THSD4: variants seen among roughly 807,000 people sequenced by gnomAD.
THSD4 encodes thrombospondin type 1 domain containing 4.
THSD4 carries 69 observed loss-of-function variants against 119.0 expected under a neutral mutation model. The ratio of observed to expected loss-of-function variants is 0.58; its 90% CI spans 0.48 to 0.71. The LOEUF (loss-of-function observed/expected upper bound fraction) is 0.71. THSD4 is among the 30% of genes least tolerant of loss of function. The probability of loss-of-function intolerance (pLI) is 0.00; values close to 1 mark genes in which losing one functional copy is unlikely to be tolerated. For missense variants in THSD4, 1,393 were observed against 1,391.1 expected, an observed-to-expected ratio of 1.00 and a Z score of -0.02; for synonymous variants, 524 against 540.4, an observed-to-expected ratio of 0.97 and a Z score of 0.42.
chr15:71,683,880 C>T (rs2051850877), intron 8 of THSD4, among the ~76,000 whole-genome samples: 1 of 152,124 alleles, frequency 6.6e-6, no homozygotes, highest in South Asian at 2.1e-4. Flanking sequence ...GAGGTTGAGG[C>T]ATGAGAATCA....
chr15:71,405,451 T>G (rs1156901136), intron 6 of THSD4, among the ~76,000 whole-genome samples: 1 of 152,226 alleles, frequency 6.6e-6, no homozygotes, highest in Non-Finnish European at 1.5e-5. Flanking sequence ...AAACAGTATT[T>G]TTTCCCTAAT....
At chr15:71,196,408 G>C (rs1173360006) in intron 3 of THSD4, among the ~76,000 whole-genome samples, 1 of 152,164 alleles carries the variant, frequency 6.6e-6, no homozygotes, top group Non-Finnish European at 1.5e-5. Context: ...ACTAAGAACT[G>C]TACGATCCAA....
At chr15:71,370,008 G>C (rs958721523) in intron 6 of THSD4, among the ~76,000 whole-genome samples, 1 of 152,100 alleles carries the variant, frequency 6.6e-6, no homozygotes, top group African/African-American at 2.4e-5. Flanking sequence ...GTTTAGTCTT[G>C]TGAGGGTGTA....
rs71154766 is a variant in THSD4, at chr15:71,389,465, CT to C, written c.1016-22208del. On this transcript the variant is annotated intron_variant, in intron 6 of 17. Transcript: ENST00000261862. Reference sequence around the variant, plus strand: ...GTTGTAGCACGTGTCAGAATTTCCTCTTTTTTTTTTTTTTAAGGCTGAATGA... The same window carrying C: ...GTTGTAGCACGTGTCAGAATTTCCTCTTTTTTTTTTTTTAAGGCTGAATGA... Among the ~76,000 whole-genome samples, 476 of 143,800 alleles carry C rather than the reference CT, an allele frequency of 3.3e-3. 2 individuals carry two copies. Among genetic ancestry groups the C allele is most frequent in the African/African-American group, 0.01 (394 of 38,856 alleles). 94.3% of individuals were successfully genotyped at this position (143,800 alleles called of 152,430 possible). A position where few individuals can be genotyped will look rare whatever the true frequency, so the allele number is the denominator to read the frequency against.
At chr15:71,756,817 C>T (rs901719809) in intron 14 of THSD4, among the ~76,000 whole-genome samples, 3 of 152,030 alleles carry the variant, frequency 2.0e-5, no homozygotes, top group African/African-American at 7.2e-5. Flanking sequence ...AAGATGAGAA[C>T]CAAAATAAGG....
rs1444094842 is a variant in THSD4, at chr15:71,731,282, A to T, written c.1630+65A>T. 30 of 1,455,838 alleles carry T rather than the reference A, an allele frequency of 2.1e-5. No homozygotes were observed. In the East Asian group the frequency reaches 6.9e-4, roughly 33 times the overall value. The allele number at this position is 1,455,838 out of a possible 1,614,324, so 90.2% of individuals were successfully genotyped here. Reference sequence around the variant, plus strand: ...TCCTTGTAAAGCCTTCTCTCTCTCAATTCTTGTGCATCCACCCTCTGTCTC... The same window carrying T: ...TCCTTGTAAAGCCTTCTCTCTCTCATTTCTTGTGCATCCACCCTCTGTCTC... On this transcript the variant is annotated intron_variant, in intron 10 of 17. Transcript: ENST00000261862.
chr15:71,478,705 G>T (rs920791651), intron 7 of THSD4, among the ~76,000 whole-genome samples: 2 of 152,146 alleles, frequency 1.3e-5, no homozygotes, highest in Admixed American at 6.6e-5. Flanking sequence ...GAGTAATTAT[G>T]GGATGTGCAA....
intron 7 of THSD4, among the ~76,000 whole-genome samples, chr15:71,433,717 G>T (rs1200454574): frequency 6.6e-6 from 1 of 152,082 alleles, no homozygotes; most frequent in Non-Finnish European, 1.5e-5. Context: ...ATGCCAGGAG[G>T]ATCCAACCCT....
At position 71,441,648 on chromosome 15, in the gene THSD4, C is replaced by T. The variant is rs561109729; in HGVS notation, c.1152+29825C>T. Among the ~76,000 whole-genome samples, 35 of 152,060 alleles carry T rather than the reference C, an allele frequency of 2.3e-4. 2 individuals carry two copies. In the South Asian group the frequency reaches 6.9e-3, roughly 30 times the overall value. ...GACCTCGTAATCTGCCCGCCTTGGC[C>T]TCACAAAGTGCTGGCATTACAGGCG... is the stretch of plus-strand genomic sequence containing the variant. On this transcript the variant is annotated intron_variant, in intron 7 of 17. Coordinates refer to ENST00000261862, the MANE Select transcript of THSD4 (RefSeq NM_024817.3).
intron 8 of THSD4, among the ~76,000 whole-genome samples, chr15:71,687,883 CTG>C (rs1486980778): frequency 1.3e-5 from 2 of 152,048 alleles, no homozygotes; most frequent in African/African-American, 4.8e-5. Flanking sequence ...GCAAATTAAC[CTG>C]TTTGTTCATT....
At chr15:71,608,241 T>TACACACACACAC (rs754808213) in intron 7 of THSD4, among the ~76,000 whole-genome samples, 64 of 80,390 alleles carry the variant, frequency 8.0e-4, no homozygotes, top group Admixed American at 1.1e-3. Flanking sequence ...AAAAAAAATA[T>TACACACACACAC]ATATATATAC....
At position 71,172,682 on chromosome 15, in the gene THSD4, CATATATATATATATAT is replaced by C. The variant is rs71152331; in HGVS notation, c.99+17787_99+17802del. Reference sequence around the variant, plus strand: ...AATACAGCATGAAAATAGACCTATACATATATATATATATATATATATATATATATATATATATATA... The same window carrying C: ...AATACAGCATGAAAATAGACCTATACATATATATATATATATATATATATA... On this transcript the variant is annotated intron_variant, in intron 3 of 17. Coordinates refer to ENST00000261862, the MANE Select transcript of THSD4 (RefSeq NM_024817.3). 8.9e-3 allele frequency among the ~76,000 whole-genome samples: 215 copies of C among 24,224 alleles called. 6 individuals are homozygous for C. Among genetic ancestry groups the C allele is most frequent in the East Asian group, 0.047 (31 of 656 alleles). The allele number at this position is 24,224 out of a possible 152,430, so 15.9% of individuals were successfully genotyped here.
chr15:71,771,277 C>A (rs2053818987), intron 17 of THSD4, 69 bp downstream of exon 17: 1 of 1,578,846 alleles, frequency 6.3e-7, no homozygotes. Context: ...TCCGGTGTGA[C>A]AATAACAAGC....
At chr15:71,437,296 C>T (rs1379492667) in intron 7 of THSD4, among the ~76,000 whole-genome samples, 1 of 152,266 alleles carries the variant, frequency 6.6e-6, no homozygotes, top group African/African-American at 2.4e-5. Flanking sequence ...GGCTCTACCT[C>T]CAACACTGGG....
intron 7 of THSD4, among the ~76,000 whole-genome samples, chr15:71,480,881 C>T (rs1007661779): frequency 2.0e-5 from 3 of 152,198 alleles, no homozygotes; most frequent in African/African-American, 7.2e-5. Flanking sequence ...AGTCTATCTT[C>T]ATTTTTCATT....
At chr15:71,591,720 CT>C (rs1405247313) in intron 7 of THSD4, among the ~76,000 whole-genome samples, 2 of 138,690 alleles carry the variant, frequency 1.4e-5, no homozygotes, top group Non-Finnish European at 3.1e-5. Flanking sequence ...GATGTTCAGA[CT>C]GCGGCCAGAT....
intron 7 of THSD4, among the ~76,000 whole-genome samples, chr15:71,425,017 C>T (rs1220490464): frequency 6.6e-6 from 1 of 152,056 alleles, no homozygotes; most frequent in Non-Finnish European, 1.5e-5. Flanking sequence ...ACTCCCATCC[C>T]CCCGAAAAAA....
At chr15:71,540,135 C>CTTT (rs35668266) in intron 7 of THSD4, among the ~76,000 whole-genome samples, 5 of 95,128 alleles carry the variant, frequency 5.3e-5, no homozygotes, top group African/African-American at 1.1e-4. Context: ...ATTTTATTTA[C>CTTT]TTTTTTTTTT....
At chr15:71,167,028 T>G (rs1456640815) in intron 3 of THSD4, 1 of 152,174 alleles carries the variant, frequency 6.6e-6, no homozygotes, top group Non-Finnish European at 1.5e-5. Context: ...CCAAGATCAT[T>G]GCCATTCACT....
Sources: gnomAD v4.1 joint callset for allele counts (sites outside exome capture counted in the v4.1 genomes callset) on GRCh38, gnomAD v4.1.1 for gene constraint, MANE v1.5 for transcripts, NCBI Gene and HGNC (gene_info 2026-07-23, HGNC 2026-07-21) for gene names.